The following CELF4 variants were observed in gnomAD, a reference collection of about 807,000 sequenced individuals.
The protein encoded by CELF4 is CUG-BP- and ETR-3-like factor 4.
Under a neutral mutation model 59.9 loss-of-function variants are expected in CELF4, and 18 were observed. The observed-to-expected ratio is 0.30, with a 90% CI of 0.21 to 0.45. The LOEUF is 0.45. CELF4 is among the 20% of genes least tolerant of loss of function. The pLI is 1.00. For missense variants in CELF4, 456 were observed against 689.0 expected (o/e 0.66, Z 3.79); for synonymous variants, 261 against 267.1 (o/e 0.98, Z 0.22).
chr18:37,297,027 G>C (rs2095686931), intron 3 of CELF4, among the ~76,000 whole-genome samples: 1 of 152,180 alleles, frequency 6.6e-6, no homozygotes, highest in Admixed American at 6.5e-5. Context: ...AAATCAACTA[G>C]GGAGATGTTG....
intron 1 of CELF4, among the ~76,000 whole-genome samples, chr18:37,557,880 A>G (rs529216487): frequency 4.6e-5 from 7 of 152,086 alleles, no homozygotes; most frequent in Non-Finnish European, 8.8e-5. Flanking sequence ...CCTGTTTGAA[A>G]TCCTCGATCA....
intron 2 of CELF4, among the ~76,000 whole-genome samples, chr18:37,356,467 A>AAGGTGCTGGGAAGGTCAG (rs1387844035): frequency 2.0e-5 from 3 of 151,872 alleles, no homozygotes; most frequent in African/African-American, 4.8e-5. Flanking sequence ...GGGAAGGTCA[A>AAGGTGCTGGGAAGGTCAG]AGGTGCTGGG....
chr18:37,332,035 T>A (rs2097561623), intron 2 of CELF4, among the ~76,000 whole-genome samples: 1 of 152,070 alleles, frequency 6.6e-6, no homozygotes, highest in Non-Finnish European at 1.5e-5. Flanking sequence ...GTGCAGGAAG[T>A]CAGAGGTGAC....
intron 3 of CELF4, among the ~76,000 whole-genome samples, chr18:37,298,394 G>T (rs1286338549): frequency 1.3e-5 from 2 of 152,148 alleles, no homozygotes; most frequent in Non-Finnish European, 2.9e-5. Context: ...TCTACTCAAG[G>T]CCCCTGGTGG....
chr18:37,496,246 CT>C (rs1252891518), intron 1 of CELF4, among the ~76,000 whole-genome samples: 10 of 152,232 alleles, frequency 6.6e-5, no homozygotes, highest in African/African-American at 2.4e-4. Context: ...CTGTTCTCAT[CT>C]GTGAGAATCC....
chr18:37,469,080 G>T (rs1394417993), intron 2 of CELF4, among the ~76,000 whole-genome samples: 1 of 152,148 alleles, frequency 6.6e-6, no homozygotes, highest in Non-Finnish European at 1.5e-5. Context: ...GGGAAAGTGG[G>T]ATCATCACTT....
At chr18:37,494,819 C>T (rs896502644) in intron 1 of CELF4, among the ~76,000 whole-genome samples, 5 of 152,112 alleles carry the variant, frequency 3.3e-5, no homozygotes, top group African/African-American at 9.7e-5. Flanking sequence ...CAGGGAGACA[C>T]GAGGGTCCTT....
chr18:37,483,270 A>G (rs908176609), intron 2 of CELF4, among the ~76,000 whole-genome samples: 1 of 152,192 alleles, frequency 6.6e-6, no homozygotes, highest in Non-Finnish European at 1.5e-5. Flanking sequence ...TTACTTGGTC[A>G]TTTTGTGTTT....
chr18:37,519,825 T>C (rs1430540877), intron 1 of CELF4, among the ~76,000 whole-genome samples: 1 of 152,192 alleles, frequency 6.6e-6, no homozygotes, highest in African/African-American at 2.4e-5. Context: ...CATGAACTGC[T>C]CCAGCCAGGA....
chr18:37,393,357 G>C (rs2099190261), intron 2 of CELF4, among the ~76,000 whole-genome samples: 1 of 152,222 alleles, frequency 6.6e-6, no homozygotes, highest in South Asian at 2.1e-4. Flanking sequence ...TTTACACAAA[G>C]GGGTCATTCA....
intron 2 of CELF4, among the ~76,000 whole-genome samples, chr18:37,429,770 A>C (rs575925684): frequency 6.6e-6 from 1 of 152,200 alleles, no homozygotes; most frequent in Non-Finnish European, 1.5e-5. Context: ...GGCCTTGCGC[A>C]GGGGCTCTCC....
Position 37,254,888 on chromosome 18 carries a change from A to G in CELF4, c.1334-950T>C, listed in dbSNP as rs2068209321. ...CATACAGACAACATTTTACATCAGC[A>G]TTTCCCAAACTGGCCCTAATAGGTG... On this transcript the variant is annotated intron_variant, in intron 11 of 12. Coordinates refer to ENST00000420428, the MANE Select transcript of CELF4 (RefSeq NM_020180.4). The surrounding 1 kb of genome is among the most constrained non-coding windows in gnomAD (Gnocchi z 5.1). 6.6e-6 allele frequency among the ~76,000 whole-genome samples: 1 copy of G among 152,124 alleles called. No homozygotes were observed. Among genetic ancestry groups the G allele is most frequent in the African/African-American group, 2.4e-5 (1 of 41,442 alleles).
intron 1 of CELF4, among the ~76,000 whole-genome samples, chr18:37,500,511 ATTTTCTTTTC>A (rs67986694): frequency 5.1e-4 from 72 of 141,190 alleles, no homozygotes; most frequent in African/African-American, 1.8e-3. Flanking sequence ...CTTCTAGCTC[ATTTTCTTTTC>A]TTTTCTTTTC....
chr18:37,312,716 T>C (rs911184670), intron 3 of CELF4, among the ~76,000 whole-genome samples: 82 of 152,226 alleles, frequency 5.4e-4, no homozygotes, highest in African/African-American at 1.8e-3. Flanking sequence ...GACAGACTCA[T>C]AGGGTAGGGG....
rs1467570419 is a variant in CELF4, at chr18:37,565,537, T to C, written c.105A>G (p.Gly35=). 18 of 1,614,094 alleles carry C rather than the reference T, an allele frequency of 1.1e-5. No individual in the cohort carries two copies. Among genetic ancestry groups the C allele is most frequent in the Non-Finnish European group, 1.4e-5 (16 of 1,180,040 alleles). Residue 35 remains glycine, a synonymous_variant, in exon 1 of 13, where the codon GGA becomes GGG. Transcript: ENST00000420428. ...SSPGSAGHMN[G]LSHSPGNPST... ...ACGGGTTCCCCGGGCTGTGGCTTAATCCGTTCATGTGCCCGGCACTGCCCG... is the reference window on the plus strand; with the variant it reads ...ACGGGTTCCCCGGGCTGTGGCTTAACCCGTTCATGTGCCCGGCACTGCCCG...
At chr18:37,504,586 C>A (rs1244720142) in intron 1 of CELF4, among the ~76,000 whole-genome samples, 1 of 152,108 alleles carries the variant, frequency 6.6e-6, no homozygotes, top group Non-Finnish European at 1.5e-5. Context: ...ACTTACTTAC[C>A]TCCCTGGCTT....
At chr18:37,393,689 C>G (rs1479034909) in intron 2 of CELF4, among the ~76,000 whole-genome samples, 1 of 152,150 alleles carries the variant, frequency 6.6e-6, no homozygotes, top group Non-Finnish European at 1.5e-5. Flanking sequence ...GGTGCTCCAG[C>G]CCCGGTACCT....
intron 2 of CELF4, among the ~76,000 whole-genome samples, chr18:37,341,309 C>T (rs540915383): frequency 1.3e-5 from 2 of 152,342 alleles, no homozygotes; most frequent in African/African-American, 2.4e-5. Flanking sequence ...AAAGTGCCCA[C>T]ACTGGGCAGC....
intron 7 of CELF4, 89 bp from the exon 8 acceptor site, chr18:37,271,006 T>A: frequency 8.4e-7 from 1 of 1,185,294 alleles, no homozygotes; most frequent in African/African-American, 1.5e-5. Flanking sequence ...TTCACTCAAC[T>A]GTTTCCAAGG....
Sources: allele counts gnomAD v4.1 joint callset (sites outside exome capture counted in the v4.1 genomes callset), GRCh38; gene constraint gnomAD v4.1.1; non-coding constraint Gnocchi (gnomAD v3.1); transcripts MANE v1.5; gene names NCBI Gene and HGNC (gene_info 2026-07-23, HGNC 2026-07-21).